The following GLDC variants were observed in gnomAD, a reference collection of about 807,000 sequenced individuals.
The protein encoded by GLDC is glycine decarboxylase, also known as glycine dehydrogenase (decarboxylating), mitochondrial.
Under a neutral mutation model 121.3 loss-of-function variants are expected in GLDC, and 104 were observed. The ratio of observed to expected loss-of-function variants is 0.86; its 90% CI spans 0.73 to 1.01. The LOEUF (loss-of-function observed/expected upper bound fraction) is 1.01. GLDC is among the 50% of genes least tolerant of loss of function. The pLI is 0.00. For missense variants in GLDC, 1,429 were observed against 1,306.6 expected, an observed-to-expected ratio of 1.09 and a Z score of -1.44; for synonymous variants, 546 against 480.6, an observed-to-expected ratio of 1.14 and a Z score of -1.78.
intron 15 of GLDC, among the ~76,000 whole-genome samples, chr9:6,570,598 A>G (rs1817940561): frequency 6.6e-6 from 1 of 152,064 alleles, no homozygotes; most frequent in Non-Finnish European, 1.5e-5. Context: ...TCATGCCTGT[A>G]ATCCCAGCAC....
intron 2 of GLDC, among the ~76,000 whole-genome samples, chr9:6,633,391 A>G (rs750147652): frequency 2.0e-5 from 3 of 151,902 alleles, no homozygotes; most frequent in Non-Finnish European, 4.4e-5. Flanking sequence ...CTGCAACTCC[A>G]TCTCTTCTCT....
chr9:6,556,610 TG>T lies in GLDC; in HGVS notation c.2053-309del, dbSNP rs557343174. On this transcript the variant is annotated intron_variant, in intron 17 of 24. Transcript: ENST00000321612. The stretch of plus-strand genomic sequence containing the variant: ...GAATTCGAGACCAGCCTGGCCAACA[TG>T]GTGAAACCCCGTCTCTACTAAAAAT... 3.1e-3 allele frequency among the ~76,000 whole-genome samples: 466 copies of T among 152,156 alleles called. 2 individuals carry two copies. Among genetic ancestry groups the T allele is most frequent in the Non-Finnish European group, 5.7e-3 (386 of 67,980 alleles).
intron 23 of GLDC, 101 bp from the exon 24 acceptor site, chr9:6,534,889 G>T: frequency 1.4e-6 from 1 of 724,262 alleles, no homozygotes; most frequent in Admixed American, 2.0e-5. Flanking sequence ...AGCCCAGGCA[G>T]AGAAAGCTGT....
intron 23 of GLDC, 134 bp from the exon 24 acceptor site, chr9:6,534,922 G>T (rs1291561047): frequency 4.4e-6 from 3 of 682,576 alleles, no homozygotes; most frequent in East Asian, 2.8e-5. Flanking sequence ...ATTTAGGGGG[G>T]TACAATGTGA....
intron 2 of GLDC, among the ~76,000 whole-genome samples, chr9:6,631,703 G>C (rs1461426240): frequency 6.6e-6 from 1 of 152,182 alleles, no homozygotes; most frequent in African/African-American, 2.4e-5. Context: ...AACAAGAAGG[G>C]AAGACTGTGT....
Position 6,536,053 on chromosome 9 carries a change from G to T in GLDC, c.2838+11C>A, listed in dbSNP as rs1414881347. On this transcript the variant is annotated intron_variant, in intron 23 of 24. Transcript: ENST00000321612. ...AGGAACATTTCAAGCAATGTTCCAG[G>T]GCCTACGCACCTTCAGCGGATTGAC... 3.7e-6 allele frequency: 6 copies of T among 1,609,406 alleles called. No individual in the cohort carries two copies. The Admixed American group carries it at 1.0e-4, about 27-fold the overall frequency.
chr9:6,555,834 A>G (rs932750936), intron 18 of GLDC, among the ~76,000 whole-genome samples: 1 of 152,078 alleles, frequency 6.6e-6, no homozygotes, highest in Admixed American at 6.6e-5. Flanking sequence ...GCAAACACCA[A>G]TAAGAGTCTC....
chr9:6,533,889 G>A (rs1329038833), intron 24 of GLDC, among the ~76,000 whole-genome samples: 5 of 150,118 alleles, frequency 3.3e-5, no homozygotes, highest in African/African-American at 9.8e-5. Context: ...TTCTCATACT[G>A]TGTATTAAAA....
chr9:6,544,414 A>G (rs994444789), intron 21 of GLDC, among the ~76,000 whole-genome samples: 1 of 152,112 alleles, frequency 6.6e-6, no homozygotes. Flanking sequence ...AACAAAAAAA[A>G]AGGCAGAAGA....
At chr9:6,607,517 G>A (rs769851157) in intron 4 of GLDC, among the ~76,000 whole-genome samples, 5 of 152,126 alleles carry the variant, frequency 3.3e-5, no homozygotes, top group African/African-American at 9.7e-5. Flanking sequence ...GGGAGGCAGA[G>A]GTTGCAGTGA....
intron 15 of GLDC, among the ~76,000 whole-genome samples, chr9:6,575,694 A>G (rs1156273798): frequency 6.6e-6 from 1 of 152,230 alleles, no homozygotes; most frequent in Non-Finnish European, 1.5e-5. Context: ...CAATTTTTTA[A>G]GCCAAGTGAG....
intron 18 of GLDC, 100 bp downstream of exon 18, chr9:6,556,051 GTT>G: frequency 1.0e-6 from 1 of 953,932 alleles, no homozygotes; most frequent in Non-Finnish European, 1.6e-6. Context: ...GTGGGTCTGA[GTT>G]CCCTCAGGCA....
At chr9:6,569,046 A>C (rs1817903835) in intron 15 of GLDC, 1 of 152,254 alleles carries the variant, frequency 6.6e-6, no homozygotes. Flanking sequence ...CAGGTATAAG[A>C]GCCCACAAGG....
intron 10 of GLDC, among the ~76,000 whole-genome samples, 165 bp from the exon 11 acceptor site, chr9:6,592,388 C>A (rs1298000571): frequency 6.6e-6 from 1 of 152,198 alleles, no homozygotes; most frequent in African/African-American, 2.4e-5. Flanking sequence ...GGTGGCTAGA[C>A]CAGTCCCAGG....
In GLDC at chr9:6,553,404, G is replaced by A; in HGVS notation, c.2421C>T (p.Ser807=). The change falls in exon 20 of 25, where the codon TCC becomes TCT. Residue 807 remains serine, a synonymous_variant. Transcript: ENST00000321612. ...VGTVSAAPWG[S]SSILPISWAY... is the part of the protein sequence containing the mutation. ...CCCAGGAAATGGGCAAGATGGAACTGGAGCCCCATGGGGCCGCACTGACGG... is the reference window on the plus strand; with the variant it reads ...CCCAGGAAATGGGCAAGATGGAACTAGAGCCCCATGGGGCCGCACTGACGG... The A allele has an allele frequency of 6.2e-7, 1 of 1,613,932 alleles. No homozygotes were observed. The highest frequency in any genetic ancestry group is 8.5e-7 in the Non-Finnish European group (1 of 1,179,822).
At chr9:6,549,164 ATAAACT>A (rs1212858341) in intron 21 of GLDC, among the ~76,000 whole-genome samples, 18 of 152,208 alleles carry the variant, frequency 1.2e-4, no homozygotes, top group African/African-American at 4.3e-4. Flanking sequence ...AAAAATCTAA[ATAAACT>A]TAAGTAAGAT....
chr9:6,607,492 G>A (rs1818759307), intron 4 of GLDC, among the ~76,000 whole-genome samples: 1 of 151,988 alleles, frequency 6.6e-6, no homozygotes, highest in African/African-American at 2.4e-5. Context: ...TGAGGCAGGA[G>A]AATTGCTTGA....
intron 8 of GLDC, among the ~76,000 whole-genome samples, chr9:6,598,599 G>C (rs753742712): frequency 2.0e-5 from 3 of 152,186 alleles, no homozygotes; most frequent in Non-Finnish European, 2.9e-5. Context: ...CAACTCAAAA[G>C]ACACCAGTCA....
At chr9:6,627,018 G>A (rs537312627) in intron 2 of GLDC, among the ~76,000 whole-genome samples, 38 of 152,232 alleles carry the variant, frequency 2.5e-4, no homozygotes, top group Admixed American at 1.8e-3. Context: ...CTAGTGGGCC[G>A]GGCGTGGTGG....
Sources: allele counts gnomAD v4.1 joint callset (sites outside exome capture counted in the v4.1 genomes callset), GRCh38; gene constraint gnomAD v4.1.1; transcripts MANE v1.5; gene names NCBI Gene and HGNC (gene_info 2026-07-23, HGNC 2026-07-21).